PCDHA9: variants seen among roughly 807,000 people sequenced by gnomAD.
PCDHA9 encodes protocadherin alpha-9.
PCDHA9 carries 62 observed loss-of-function variants against 62.0 expected under a neutral mutation model. That is an observed-to-expected ratio of 1.00 (90% CI 0.81 to 1.23). The LOEUF (loss-of-function observed/expected upper bound fraction) is 1.23. Ranked by LOEUF, PCDHA9 falls within the 50% of genes most tolerant of loss-of-function variation. The pLI is 0.00. For synonymous variants in PCDHA9, 557 were observed against 567.6 expected (o/e 0.98, Z 0.27); for missense variants, 1,205 against 1,249.8 (o/e 0.96, Z 0.54).
intron 1 of PCDHA9, among the ~76,000 whole-genome samples, chr5:140,919,231 CT>C (rs2079047316): frequency 6.6e-6 from 1 of 152,160 alleles, no homozygotes; most frequent in African/African-American, 2.4e-5. Context: ...TCTAGTAACA[CT>C]TTTTGTCTTG....
At chr5:140,919,653 C>T (rs917457975) in intron 1 of PCDHA9, among the ~76,000 whole-genome samples, 1 of 152,158 alleles carries the variant, frequency 6.6e-6, no homozygotes, top group South Asian at 2.1e-4. Context: ...CTAGAGTTTA[C>T]CATATATATT....
At chr5:140,967,073 G>A (rs1554229137) in intron 1 of PCDHA9, 1 of 1,613,160 alleles carries the variant, frequency 6.2e-7, no homozygotes, top group South Asian at 1.1e-5. Flanking sequence ...CTTCGTCAAC[G>A]AGCGCATTGA....
At chr5:140,899,545 G>A (rs2067400002) in intron 1 of PCDHA9, among the ~76,000 whole-genome samples, 1 of 152,158 alleles carries the variant, frequency 6.6e-6, no homozygotes, top group African/African-American at 2.4e-5. Context: ...TGATCATGGT[G>A]GATAAGCTTT....
chr5:140,966,206 T>C, intron 1 of PCDHA9: 1 of 227,662 alleles, frequency 4.4e-6, no homozygotes, highest in Non-Finnish European at 8.5e-6. Context: ...GCTTGACTGC[T>C]TTTCCCAGAC....
chr5:140,857,737 G>C (rs782448076), intron 1 of PCDHA9: 4 of 1,597,412 alleles, frequency 2.5e-6, no homozygotes, highest in Middle Eastern at 1.8e-4. Context: ...ACGCTCCCGC[G>C]CTGCTGGCGT....
chr5:140,946,959 A>C (rs918204180), intron 1 of PCDHA9, among the ~76,000 whole-genome samples: 2 of 151,664 alleles, frequency 1.3e-5, no homozygotes, highest in Non-Finnish European at 3.0e-5. Context: ...GTATATTTCA[A>C]AATATTATAG....
At position 140,923,111 on chromosome 5, in the gene PCDHA9, G is replaced by T. The variant is rs192696214; in HGVS notation, c.2395-55838G>T. Among the ~76,000 whole-genome samples, 53 of 152,266 alleles carry T rather than the reference G, an allele frequency of 3.5e-4. No individual in the cohort carries two copies. In the East Asian group the frequency reaches 8.9e-3, roughly 25 times the overall value. ...TTGACCAATGGGAGTATGATTTTAA[G>T]TTTTTAGGGTCACACTTTGAAGGTG... On this transcript the variant is annotated intron_variant, in intron 1 of 3. Coordinates refer to ENST00000532602, the MANE Select transcript of PCDHA9 (RefSeq NM_031857.2).
chr5:140,887,309 G>T (rs2061400609), intron 1 of PCDHA9, among the ~76,000 whole-genome samples: 1 of 152,182 alleles, frequency 6.6e-6, no homozygotes, highest in South Asian at 2.1e-4. Flanking sequence ...TGTTAGCCAG[G>T]ATAGTCTCGA....
In PCDHA9 at chr5:140,856,011, C is replaced by G. The variant is rs782812320; in HGVS notation, c.2394+5122C>G. On this transcript the variant is annotated intron_variant, in intron 1 of 3. Transcript: ENST00000532602. Reference sequence around the variant, plus strand: ...GTCAGATCGTATGTGCGTTCTAGACCGCTGATTCGTCGATTTGTAAAACAA... The same window carrying G: ...GTCAGATCGTATGTGCGTTCTAGACGGCTGATTCGTCGATTTGTAAAACAA... The G allele has an allele frequency of 1.4e-5, 22 of 1,546,178 alleles. 1 individual carries two copies. The highest frequency in any genetic ancestry group is 1.7e-4 in the Middle Eastern group (1 of 5,742).
chr5:140,873,432 T>A (rs992972839), intron 1 of PCDHA9, among the ~76,000 whole-genome samples: 5 of 152,212 alleles, frequency 3.3e-5, no homozygotes, highest in African/African-American at 7.2e-5. Flanking sequence ...TTATTTTATA[T>A]CACATAAATA....
intron 1 of PCDHA9, among the ~76,000 whole-genome samples, chr5:140,930,792 A>G (rs782797665): frequency 4.9e-4 from 74 of 152,228 alleles, no homozygotes; most frequent in Admixed American, 1.4e-3. Flanking sequence ...AATATAATAG[A>G]ATCCAGCATA....
At chr5:140,934,547 C>A (rs2089905916) in intron 1 of PCDHA9, among the ~76,000 whole-genome samples, 1 of 152,124 alleles carries the variant, frequency 6.6e-6, no homozygotes, top group African/African-American at 2.4e-5. Flanking sequence ...CTAATTCTAT[C>A]ATTTCTTCTT....
chr5:140,925,061 C>T (rs968376229), intron 1 of PCDHA9, among the ~76,000 whole-genome samples: 2 of 147,510 alleles, frequency 1.4e-5, no homozygotes, highest in Non-Finnish European at 3.0e-5. Context: ...GACTGGGCAA[C>T]AAAGCAACAC....
intron 1 of PCDHA9, among the ~76,000 whole-genome samples, chr5:140,973,344 A>G (rs1389229715): frequency 1.3e-5 from 2 of 152,258 alleles, no homozygotes; most frequent in African/African-American, 2.4e-5. Flanking sequence ...AAAGTGACAT[A>G]GTAGTGAATT....
chr5:140,858,297 A>G, intron 1 of PCDHA9: 2 of 1,597,406 alleles, frequency 1.3e-6, no homozygotes, highest in Non-Finnish European at 1.7e-6. Flanking sequence ...TCTTACTCGC[A>G]GCAGAGGCGG....
chr5:140,869,614 A>T lies in PCDHA9; in HGVS notation c.2394+18725A>T, dbSNP rs1554163296. ...TGAAGAGAATGCTCTATTGACCTACAGGCTAAGTAAAAATGAGTATTTTTC... is the reference window on the plus strand; with the variant it reads ...TGAAGAGAATGCTCTATTGACCTACTGGCTAAGTAAAAATGAGTATTTTTC... On this transcript the variant is annotated intron_variant, in intron 1 of 3. Transcript: ENST00000532602. 2 of 1,613,940 alleles carry T rather than the reference A, an allele frequency of 1.2e-6. No homozygotes were observed. The highest frequency in any genetic ancestry group is 4.5e-5 in the East Asian group (2 of 44,886).
chr5:140,931,626 A>G (rs1048704969), intron 1 of PCDHA9, among the ~76,000 whole-genome samples: 1 of 152,052 alleles, frequency 6.6e-6, no homozygotes, highest in Non-Finnish European at 1.5e-5. Flanking sequence ...CTTTTTAGGT[A>G]GCTCATTGGT....
intron 1 of PCDHA9, among the ~76,000 whole-genome samples, chr5:140,878,496 C>G (rs562678244): frequency 7.2e-5 from 11 of 152,174 alleles, no homozygotes; most frequent in Non-Finnish European, 1.6e-4. Flanking sequence ...ATTTAACCAT[C>G]TGTACGATAC....
intron 3 of PCDHA9, among the ~76,000 whole-genome samples, chr5:140,989,263 A>G (rs2097334941): frequency 6.6e-6 from 1 of 152,146 alleles, no homozygotes; most frequent in South Asian, 2.1e-4. Flanking sequence ...GGGAGATTCA[A>G]GTTTCTGCTG....
Sources: allele counts gnomAD v4.1 joint callset (sites outside exome capture counted in the v4.1 genomes callset), GRCh38; gene constraint gnomAD v4.1.1; transcripts MANE v1.5; gene names NCBI Gene and HGNC (gene_info 2026-07-23, HGNC 2026-07-21).